The following SLC24A4 variants were observed in gnomAD, a reference collection of about 807,000 sequenced individuals.
The protein encoded by SLC24A4 is sodium/potassium/calcium exchanger 4.
SLC24A4 carries 53 observed loss-of-function variants against 79.0 expected under a neutral mutation model. The ratio of observed to expected loss-of-function variants is 0.67; its 90% CI spans 0.54 to 0.84. The LOEUF (loss-of-function observed/expected upper bound fraction) is 0.84. SLC24A4 is among the 40% of genes least tolerant of loss of function. SLC24A4 has a pLI of 0.00. For missense variants in SLC24A4, 731 were observed against 822.0 expected (o/e 0.89, Z 1.35); for synonymous variants, 323 against 323.8 (o/e 1.00, Z 0.03).
intron 2 of SLC24A4, among the ~76,000 whole-genome samples, chr14:92,420,571 T>A (rs1328903743): frequency 6.6e-6 from 1 of 152,224 alleles, no homozygotes; most frequent in East Asian, 1.9e-4. Context: ...AAGTACCTAC[T>A]ATGTGCCAGG....
At chr14:92,481,663 A>G (rs1462628328) in intron 12 of SLC24A4, among the ~76,000 whole-genome samples, 1 of 152,022 alleles carries the variant, frequency 6.6e-6, no homozygotes, top group Non-Finnish European at 1.5e-5. Flanking sequence ...GAAAGTTAAA[A>G]CTCCACAGAG....
intron 2 of SLC24A4, among the ~76,000 whole-genome samples, chr14:92,372,870 T>C (rs111880842): frequency 1.1e-5 from 1 of 89,024 alleles, no homozygotes; most frequent in African/African-American, 4.4e-5. Flanking sequence ...TCACTGTCCC[T>C]TCCTTCCTTC....
chr14:92,329,663 C>T (rs2141593398), intron 2 of SLC24A4, among the ~76,000 whole-genome samples: 2 of 152,338 alleles, frequency 1.3e-5, no homozygotes, highest in Middle Eastern at 6.8e-3. Flanking sequence ...GCTGGGACCA[C>T]AGGCTATTTT....
intron 12 of SLC24A4, among the ~76,000 whole-genome samples, chr14:92,461,508 G>T (rs1595323880): frequency 1.3e-5 from 2 of 152,328 alleles, no homozygotes; most frequent in East Asian, 3.9e-4. Flanking sequence ...TTCCTGACTT[G>T]TAGACAGCTG....
intron 2 of SLC24A4, among the ~76,000 whole-genome samples, chr14:92,404,057 A>C (rs1890250410): frequency 6.6e-6 from 1 of 152,154 alleles, no homozygotes; most frequent in East Asian, 1.9e-4. Context: ...CCAGAGCCTC[A>C]ATTTACAGAC....
chr14:92,469,964 ATCT>A (rs1894347088), intron 12 of SLC24A4, among the ~76,000 whole-genome samples: 1 of 152,184 alleles, frequency 6.6e-6, no homozygotes, highest in South Asian at 2.1e-4. Flanking sequence ...GGCGATGAAA[ATCT>A]TCTGGAATTA....
intron 2 of SLC24A4, among the ~76,000 whole-genome samples, chr14:92,383,473 T>C (rs1322553672): frequency 6.6e-6 from 1 of 152,196 alleles, no homozygotes; most frequent in Admixed American, 6.5e-5. Context: ...GATGCCTAGC[T>C]GCCTAGCCTG....
In SLC24A4 at chr14:92,475,271, C is replaced by T. The variant is rs1001363884; in HGVS notation, c.1256-7409C>T. Reference sequence around the variant, plus strand: ...TCTTTGACCTTTGGGCACTGCGCTTCAAAATGCAGAGCAATTAGGTAACAA... The same window carrying T: ...TCTTTGACCTTTGGGCACTGCGCTTTAAAATGCAGAGCAATTAGGTAACAA... On this transcript the variant is annotated intron_variant, in intron 12 of 16. Coordinates refer to ENST00000532405, the MANE Select transcript of SLC24A4 (RefSeq NM_153646.4). Among the ~76,000 whole-genome samples the T allele has an allele frequency of 5.3e-5, 8 of 152,146 alleles. No homozygotes were observed. The South Asian group carries it at 6.2e-4, about 12-fold the overall frequency.
At chr14:92,383,858 A>G (rs912016290) in intron 2 of SLC24A4, among the ~76,000 whole-genome samples, 1 of 152,116 alleles carries the variant, frequency 6.6e-6, no homozygotes, top group African/African-American at 2.4e-5. Flanking sequence ...ATCCACCCCC[A>G]GGACCCAGCA....
At chr14:92,423,150 T>TTTCATTTCA (rs59132643) in intron 2 of SLC24A4, among the ~76,000 whole-genome samples, 62,368 of 150,638 alleles carry the variant, frequency 0.41, 13,027 homozygotes, top group Non-Finnish European at 0.44. Flanking sequence ...TTTCATTTCA[T>TTTCATTTCA]TTTTTTTTGA....
At chr14:92,417,922 C>T (rs994975102) in intron 2 of SLC24A4, among the ~76,000 whole-genome samples, 2 of 152,190 alleles carry the variant, frequency 1.3e-5, no homozygotes, top group African/African-American at 4.8e-5. Context: ...CTGCCTAACA[C>T]CACATTTCTC....
chr14:92,447,455 C>T lies in SLC24A4; in HGVS notation c.737+31C>T, dbSNP rs372647232. 167 of 1,601,632 alleles carry T rather than the reference C, an allele frequency of 1.0e-4. No homozygotes were observed. The African/African-American group carries it at 1.1e-3, about 11-fold the overall frequency. On this transcript the variant is annotated intron_variant, in intron 9 of 16. Transcript: ENST00000532405. ...TGCCCTTTCTCCTCCCCGGGGCTGC[C>T]GACGCCTTGCCCCACTGCCTGCTAC...
At chr14:92,362,844 C>T (rs774305428) in intron 2 of SLC24A4, among the ~76,000 whole-genome samples, 5 of 152,186 alleles carry the variant, frequency 3.3e-5, no homozygotes, top group African/African-American at 4.8e-5. Flanking sequence ...CAGAGAGAGG[C>T]GGCAGCTCCG....
At chr14:92,471,293 C>A (rs1894428279) in intron 12 of SLC24A4, among the ~76,000 whole-genome samples, 1 of 152,136 alleles carries the variant, frequency 6.6e-6, no homozygotes, top group Non-Finnish European at 1.5e-5. Flanking sequence ...GGACAAAGGG[C>A]AGAAGGCTCA....
chr14:92,335,187 A>G lies in SLC24A4; in HGVS notation c.241+9209A>G, dbSNP rs181240152. ...GCAGAAAATACAGAGTTCCTCTGTT[A>G]CCCCTCCATCCTCACAGTTTCCCCT... On this transcript the variant is annotated intron_variant, in intron 2 of 16. Transcript: ENST00000532405. Among the ~76,000 whole-genome samples, 166 of 152,242 alleles carry G rather than the reference A, an allele frequency of 1.1e-3. 1 individual carries two copies. The highest frequency in any genetic ancestry group is 0.01 in the Middle Eastern group (3 of 294).
chr14:92,416,658 C>G (rs1891000168), intron 2 of SLC24A4, among the ~76,000 whole-genome samples: 1 of 152,192 alleles, frequency 6.6e-6, no homozygotes, highest in African/African-American at 2.4e-5. Context: ...CCTGATGAAG[C>G]TCTGGTTTGT....
chr14:92,474,836 T>G (rs1894657177), intron 12 of SLC24A4, among the ~76,000 whole-genome samples: 1 of 36,206 alleles, frequency 2.8e-5, no homozygotes, highest in African/African-American at 9.5e-5. Context: ...TATATGTGTG[T>G]GTGTGTGTAT....
chr14:92,455,740 G>A (rs1893417163), intron 11 of SLC24A4, among the ~76,000 whole-genome samples: 1 of 151,716 alleles, frequency 6.6e-6, no homozygotes, highest in African/African-American at 2.4e-5. Flanking sequence ...TTAGGACAGA[G>A]TCTTGCTTTT....
At chr14:92,396,383 C>G (rs1338154703) in intron 2 of SLC24A4, among the ~76,000 whole-genome samples, 1 of 152,196 alleles carries the variant, frequency 6.6e-6, no homozygotes, top group East Asian at 1.9e-4. Context: ...TCATCATGGA[C>G]TCCTTTGATA....
Sources: allele counts gnomAD v4.1 joint callset (sites outside exome capture counted in the v4.1 genomes callset), GRCh38; gene constraint gnomAD v4.1.1; transcripts MANE v1.5; gene names NCBI Gene and HGNC (gene_info 2026-07-23, HGNC 2026-07-21).